Variants in FAAH2 observed in about 807,000 individuals in gnomAD.
FAAH2 encodes the protein fatty acid amide hydrolase 2.
Under a neutral mutation model 36.9 loss-of-function variants are expected in FAAH2, and 60 were observed. The observed-to-expected ratio is 1.63, with a 90% confidence interval of 1.32 to 2.02. The LOEUF is 2.02. Among genes scored for constraint, FAAH2 ranks in the 30% most tolerant of loss-of-function variants. The probability of loss-of-function intolerance (pLI) is 0.00; values close to 1 mark genes in which losing one functional copy is unlikely to be tolerated. For missense variants in FAAH2, 689 were observed against 397.5 expected (o/e 1.73, Z -6.23); for synonymous variants, 214 against 143.8 (o/e 1.49, Z -3.49).
the FAAH2 span, among the ~76,000 whole-genome samples, chrX:57,148,873 T>G: frequency 8.9e-6 from 1 of 111,758 alleles, no homozygotes; most frequent in South Asian, 3.8e-4. Flanking sequence ...TTTTGCCCAT[T>G]CAGTATGATA....
intron 8 of FAAH2, among the ~76,000 whole-genome samples, chrX:57,437,480 C>T (rs1187871494): frequency 9.1e-6 from 1 of 109,358 alleles, no homozygotes; most frequent in Non-Finnish European, 1.9e-5. Flanking sequence ...TCTTGAAAAA[C>T]CTAAAGACTC....
At chrX:57,272,419 C>A in the FAAH2 span, among the ~76,000 whole-genome samples, 1 of 111,290 alleles carries the variant, frequency 9.0e-6, no homozygotes, top group Non-Finnish European at 1.9e-5. Flanking sequence ...CACAAAGATA[C>A]TTCTAGAGAA....
chrX:57,368,650 C>T (rs140462721), intron 5 of FAAH2, among the ~76,000 whole-genome samples: 51 of 111,764 alleles, frequency 4.6e-4, no homozygotes, highest in East Asian at 4.2e-3. Flanking sequence ...AGAGACTATG[C>T]TATTGCACTC....
chrX:57,322,338 C>G (rs1298102865), intron 3 of FAAH2, among the ~76,000 whole-genome samples: 3 of 112,024 alleles, frequency 2.7e-5, no homozygotes, highest in Admixed American at 1.9e-4. Context: ...CCGATCTCTT[C>G]TTCCATGTAG....
chrX:57,317,635 G>A, intron 3 of FAAH2, among the ~76,000 whole-genome samples: 1 of 111,454 alleles, frequency 9.0e-6, no homozygotes, highest in Non-Finnish European at 1.9e-5. Context: ...AGAATATTTA[G>A]GACTTGAACT....
At chrX:57,374,758 G>A (rs369820862) in intron 5 of FAAH2, among the ~76,000 whole-genome samples, 1 of 111,210 alleles carries the variant, frequency 9.0e-6, no homozygotes, top group East Asian at 2.8e-4. Flanking sequence ...GAATAGAGGT[G>A]GTGAGAGTGG....
At chrX:57,450,988 A>G (rs1010412953) in intron 10 of FAAH2, among the ~76,000 whole-genome samples, 1 of 111,535 alleles carries the variant, frequency 9.0e-6, no homozygotes, top group African/African-American at 3.3e-5. Context: ...TACATGTTTC[A>G]TCTCATTTTA....
At chrX:57,253,951 A>T in the FAAH2 span, among the ~76,000 whole-genome samples, 1 of 111,876 alleles carries the variant, frequency 8.9e-6, no homozygotes, top group South Asian at 3.7e-4. Flanking sequence ...AATAGGCTAA[A>T]GGTCCCAATT....
chrX:57,207,282 G>C, the FAAH2 span, among the ~76,000 whole-genome samples: 1 of 111,070 alleles, frequency 9.0e-6, no homozygotes, highest in African/African-American at 3.3e-5. Context: ...ATAGTCTCAG[G>C]TTGTCCATCA....
chrX:57,367,228 C>A (rs1003020205), intron 5 of FAAH2, among the ~76,000 whole-genome samples: 1 of 112,462 alleles, frequency 8.9e-6, no homozygotes, highest in African/African-American at 3.2e-5. Context: ...CTAAGGTTAA[C>A]TTAGGATCTG....
chrX:57,210,661 G>A, the FAAH2 span, among the ~76,000 whole-genome samples: 1 of 112,476 alleles, frequency 8.9e-6, no homozygotes, highest in Non-Finnish European at 1.9e-5. Flanking sequence ...GAGGTAAGAG[G>A]CTGAATGCTT....
chrX:57,209,875 G>T, the FAAH2 span, among the ~76,000 whole-genome samples: 1 of 110,685 alleles, frequency 9.0e-6, no homozygotes, highest in Non-Finnish European at 1.9e-5. Context: ...TGGTATTGGC[G>T]AGTCCCCTCT....
upstream of FAAH2, among the ~76,000 whole-genome samples, chrX:57,283,473 G>A (rs1027036501): frequency 3.5e-4 from 39 of 111,066 alleles, no homozygotes; most frequent in African/African-American, 1.2e-3. Flanking sequence ...AAAGCCCTCA[G>A]GATCTTCATT....
At chrX:57,340,922 C>G (rs1261127630) in intron 4 of FAAH2, among the ~76,000 whole-genome samples, 1 of 109,929 alleles carries the variant, frequency 9.1e-6, no homozygotes, top group Non-Finnish European at 1.9e-5. Flanking sequence ...AGCAAACCTG[C>G]ACATCCTGCA....
chrX:57,410,234 C>T (rs920946075), intron 7 of FAAH2, among the ~76,000 whole-genome samples: 2 of 110,803 alleles, frequency 1.8e-5, no homozygotes, highest in East Asian at 5.6e-4. Flanking sequence ...ATACTTCATA[C>T]GATTTTGATG....
chrX:57,222,650 C>T, the FAAH2 span, among the ~76,000 whole-genome samples: 1 of 111,512 alleles, frequency 9.0e-6, no homozygotes, highest in Admixed American at 9.5e-5. Context: ...CCCATGGCTC[C>T]TCCAACTGTA....
chrX:57,209,755 C>G, the FAAH2 span, among the ~76,000 whole-genome samples: 3 of 111,288 alleles, frequency 2.7e-5, no homozygotes, highest in African/African-American at 9.8e-5. Flanking sequence ...CACCAGGACT[C>G]AACTGCAGTG....
chrX:57,425,579 A>T (rs1294915621), intron 7 of FAAH2, among the ~76,000 whole-genome samples: 1 of 111,899 alleles, frequency 8.9e-6, no homozygotes, highest in African/African-American at 3.2e-5. Context: ...TCTTCATGAA[A>T]AAAACACTTT....
chrX:57,413,917 G>T (rs183760372), intron 7 of FAAH2, among the ~76,000 whole-genome samples: 3 of 111,475 alleles, frequency 2.7e-5, no homozygotes, highest in African/African-American at 6.5e-5. Flanking sequence ...CCTTGAAGAG[G>T]TCATTCACAT....
Sources: allele counts gnomAD v4.1 joint callset (sites outside exome capture counted in the v4.1 genomes callset), GRCh38; gene constraint gnomAD v4.1.1; transcripts MANE v1.5; gene names NCBI Gene and HGNC (gene_info 2026-07-23, HGNC 2026-07-21).